SH3D19: variants seen among roughly 807,000 people sequenced by gnomAD.
The protein encoded by SH3D19 is SH3 domain-containing protein 19.
Under a neutral mutation model 112.1 loss-of-function variants are expected in SH3D19, and 58 were observed. The ratio of observed to expected loss-of-function variants is 0.52; its 90% confidence interval spans 0.42 to 0.64. SH3D19 has a LOEUF of 0.64. SH3D19 is among the 30% of genes least tolerant of loss of function. SH3D19 has a pLI of 0.00. For missense variants in SH3D19, 1,090 were observed against 1,263.4 expected, an observed-to-expected ratio of 0.86 and a Z score of 2.08; for synonymous variants, 391 against 448.5, an observed-to-expected ratio of 0.87 and a Z score of 1.62.
At chr4:151,161,064 T>G (rs947376731) in intron 8 of SH3D19, among the ~76,000 whole-genome samples, 1 of 152,148 alleles carries the variant, frequency 6.6e-6, no homozygotes, top group Non-Finnish European at 1.5e-5. Context: ...GATAGCTTAC[T>G]GGAAGGAGAA....
At chr4:151,278,597 T>TAG (rs909171697) in intron 1 of SH3D19, among the ~76,000 whole-genome samples, 3 of 152,138 alleles carry the variant, frequency 2.0e-5, no homozygotes, top group Non-Finnish European at 2.9e-5. Context: ...CCATGTGACC[T>TAG]AGGGTTTCCT....
chr4:151,202,594 C>T (rs543006543), intron 2 of SH3D19, among the ~76,000 whole-genome samples: 1 of 152,124 alleles, frequency 6.6e-6, no homozygotes, highest in Non-Finnish European at 1.5e-5. Context: ...CTGTTTCTTG[C>T]GTCATGGCCC....
At chr4:151,271,077 C>A (rs534221054) in intron 1 of SH3D19, among the ~76,000 whole-genome samples, 5 of 152,122 alleles carry the variant, frequency 3.3e-5, no homozygotes, top group South Asian at 2.1e-4. Flanking sequence ...ACATGCAACA[C>A]CCCGCCTGGC....
At chr4:151,186,475 C>T (rs1344380965) in intron 3 of SH3D19, among the ~76,000 whole-genome samples, 1 of 152,164 alleles carries the variant, frequency 6.6e-6, no homozygotes, top group African/African-American at 2.4e-5. Context: ...CTCTTGTTGC[C>T]CAGGCTGGAG....
chr4:151,318,388 C>T (rs2126400297), intron 1 of SH3D19, among the ~76,000 whole-genome samples: 1 of 151,640 alleles, frequency 6.6e-6, no homozygotes, highest in Non-Finnish European at 1.5e-5. Context: ...ATTCATATGG[C>T]TTAAGAAATA....
chr4:151,237,437 C>G (rs1352622104), intron 1 of SH3D19, among the ~76,000 whole-genome samples: 2 of 152,180 alleles, frequency 1.3e-5, no homozygotes, highest in African/African-American at 4.8e-5. Context: ...CAGGTGTCTA[C>G]TACTGGGGTG....
At chr4:151,265,489 G>A (rs879053858) in intron 1 of SH3D19, among the ~76,000 whole-genome samples, 1 of 151,218 alleles carries the variant, frequency 6.6e-6, no homozygotes, top group African/African-American at 2.4e-5. Context: ...CAAATTATCC[G>A]ATACTACTCC....
chr4:151,150,206 A>AAAAAAAAAAAAAT (rs1273707426), intron 9 of SH3D19, among the ~76,000 whole-genome samples: 1 of 46,158 alleles, frequency 2.2e-5, no homozygotes, highest in Non-Finnish European at 4.2e-5. Flanking sequence ...AAAAAAAAAA[A>AAAAAAAAAAAAAT]ATATATATAT....
intron 1 of SH3D19, chr4:151,280,036 C>T (rs933794876): frequency 1.2e-6 from 1 of 826,680 alleles, no homozygotes; most frequent in Non-Finnish European, 1.7e-6. Context: ...AACCAAAAGA[C>T]AAATGAAAGT....
At chr4:151,191,255 T>C (rs1051158615) in intron 2 of SH3D19, among the ~76,000 whole-genome samples, 2 of 152,198 alleles carry the variant, frequency 1.3e-5, no homozygotes, top group African/African-American at 4.8e-5. Flanking sequence ...ACATGCCTTG[T>C]CTCAGATGAG....
At chr4:151,249,959 T>C (rs1771234002) in intron 1 of SH3D19, among the ~76,000 whole-genome samples, 1 of 152,210 alleles carries the variant, frequency 6.6e-6, no homozygotes. Context: ...AAATATTTTC[T>C]CCTGATGGTC....
chr4:151,162,220 A>C (rs1579882972), intron 8 of SH3D19, among the ~76,000 whole-genome samples: 1 of 150,928 alleles, frequency 6.6e-6, no homozygotes, highest in Non-Finnish European at 1.5e-5. Context: ...TCACTGTTCA[A>C]CTCCCACTTA....
At chr4:151,148,835 C>G (rs571000206) in intron 10 of SH3D19, among the ~76,000 whole-genome samples, 2 of 151,810 alleles carry the variant, frequency 1.3e-5, no homozygotes, top group East Asian at 3.9e-4. Context: ...GTCATGAGAT[C>G]GAGAACATCC....
Position 151,311,293 on chromosome 4 carries a change from T to C in SH3D19, c.112+13948A>G, listed in dbSNP as rs540687802. Among the ~76,000 whole-genome samples, 10 of 151,772 alleles carry C rather than the reference T, an allele frequency of 6.6e-5. 1 individual carries two copies. The highest frequency in any genetic ancestry group is 1.5e-5 in the Non-Finnish European group (1 of 67,914). On this transcript the variant is annotated intron_variant, in intron 1 of 19. Coordinates refer to ENST00000604030, the MANE Select transcript of SH3D19 (RefSeq NM_001378122.1). The stretch of plus-strand genomic sequence containing the variant: ...CACCTGTAGTCCCAGCTTCTTGAGA[T>C]GCTGAGAAAGTAGGATCACTTGAGC...
intron 1 of SH3D19, among the ~76,000 whole-genome samples, chr4:151,320,172 A>G (rs1014579287): frequency 7.9e-5 from 12 of 152,244 alleles, no homozygotes; most frequent in Admixed American, 3.3e-4. Context: ...GACAACAGTT[A>G]TATCAGTCCT....
At chr4:151,128,454 G>A in intron 17 of SH3D19, 98 bp from the exon 18 acceptor site, 1 of 957,258 alleles carries the variant, frequency 1.0e-6, no homozygotes, top group African/African-American at 1.7e-5. Flanking sequence ...AAACTAAGGG[G>A]TCTTAAGATT....
intron 9 of SH3D19, among the ~76,000 whole-genome samples, chr4:151,156,335 TACGGA>T (rs2149791654): frequency 6.6e-6 from 1 of 152,286 alleles, no homozygotes; most frequent in South Asian, 2.1e-4. Flanking sequence ...CTAAAACTTG[TACGGA>T]ACCGCAAAAG....
At position 151,174,871 on chromosome 4, in the gene SH3D19, TGACAGGTTTCA is replaced by T. The variant is rs754719542; in HGVS notation, c.1322_1332del (p.Leu441HisfsTer45). The T allele has an allele frequency of 6.2e-7, 1 of 1,608,146 alleles. No homozygotes were observed. Among genetic ancestry groups the T allele is most frequent in the Non-Finnish European group, 8.5e-7 (1 of 1,176,932 alleles). On this transcript the variant is annotated frameshift_variant, in exon 7 of 20. Coordinates refer to ENST00000604030, the MANE Select transcript of SH3D19 (RefSeq NM_001378122.1). LOFTEE classifies it high-confidence loss of function. ...GCCCCTGCGAGTCGGGGAGGAACAG[TGACAGGTTTCA>T]GTGGAGCTGAAGGGTAGGTGGGGTT...
chr4:151,261,036 C>T (rs1308912378), intron 1 of SH3D19: 1 of 152,174 alleles, frequency 6.6e-6, no homozygotes, highest in East Asian at 1.9e-4. Context: ...TCTCCCTGCC[C>T]CAACACACAC....
Sources: allele counts gnomAD v4.1 joint callset (sites outside exome capture counted in the v4.1 genomes callset), GRCh38; gene constraint gnomAD v4.1.1; transcripts MANE v1.5; gene names NCBI Gene and HGNC (gene_info 2026-07-23, HGNC 2026-07-21).